The following CAMTA1 variants were observed in gnomAD, a reference collection of about 807,000 sequenced individuals.
CAMTA1 encodes the protein calmodulin-binding transcription activator 1.
CAMTA1 carries 27 observed loss-of-function variants against 170.9 expected under a neutral mutation model. The observed-to-expected ratio is 0.16, with a 90% CI of 0.12 to 0.22. The LOEUF (loss-of-function observed/expected upper bound fraction) is 0.22, where lower values mean the gene tolerates loss of function less well. Ranked by LOEUF, CAMTA1 falls within the 10% of genes least tolerant of loss-of-function variation. CAMTA1 has a pLI of 1.00. For missense variants in CAMTA1, 1,619 were observed against 2,217.2 expected, an observed-to-expected ratio of 0.73 and a Z score of 5.42; for synonymous variants, 833 against 891.5, an observed-to-expected ratio of 0.93 and a Z score of 1.17.
At chr1:7,158,564 A>G (rs1243915693) in intron 4 of CAMTA1, among the ~76,000 whole-genome samples, 1 of 152,240 alleles carries the variant, frequency 6.6e-6, no homozygotes, top group African/African-American at 2.4e-5. Flanking sequence ...ATATGCCTTT[A>G]GACTTGTACT....
intron 22 of CAMTA1, among the ~76,000 whole-genome samples, chr1:7,765,837 T>C (rs957018184): frequency 2.0e-5 from 3 of 152,068 alleles, no homozygotes; most frequent in African/African-American, 7.2e-5. Context: ...CCATCCTGGC[T>C]AACATGGTGA....
chr1:7,549,241 C>G (rs1485144654), intron 6 of CAMTA1, among the ~76,000 whole-genome samples: 1 of 151,640 alleles, frequency 6.6e-6, no homozygotes, highest in Non-Finnish European at 1.5e-5. Flanking sequence ...TGCAGGGTCC[C>G]TCTTAGGGGT....
intron 4 of CAMTA1, among the ~76,000 whole-genome samples, chr1:7,239,967 C>G (rs1182049985): frequency 6.6e-6 from 1 of 152,084 alleles, no homozygotes; most frequent in Admixed American, 6.5e-5. Flanking sequence ...AAGGTAATGA[C>G]GTTAATCCAT....
At chr1:7,145,095 C>T (rs141329647) in intron 4 of CAMTA1, among the ~76,000 whole-genome samples, 1 of 152,320 alleles carries the variant, frequency 6.6e-6, no homozygotes, top group African/African-American at 2.4e-5. Flanking sequence ...CAAGATCTTT[C>T]AGGGGACGAG....
chr1:7,201,349 CAT>C (rs933121077), intron 4 of CAMTA1, among the ~76,000 whole-genome samples: 4 of 152,168 alleles, frequency 2.6e-5, no homozygotes, highest in African/African-American at 9.7e-5. Context: ...CATTTGTGCA[CAT>C]GTTTTTGTGT....
intron 6 of CAMTA1, among the ~76,000 whole-genome samples, chr1:7,553,433 C>T (rs974333047): frequency 2.6e-5 from 4 of 152,224 alleles, no homozygotes; most frequent in African/African-American, 4.8e-5. Flanking sequence ...AGTGCTGCCA[C>T]GTGTAGGGGC....
At chr1:7,638,413 G>A (rs2095732353) in intron 6 of CAMTA1, among the ~76,000 whole-genome samples, 1 of 152,238 alleles carries the variant, frequency 6.6e-6, no homozygotes, top group African/African-American at 2.4e-5. Context: ...GGCCGAGGAA[G>A]GCAGATCACC....
intron 6 of CAMTA1, among the ~76,000 whole-genome samples, chr1:7,496,128 G>C (rs1372316086): frequency 6.6e-6 from 1 of 152,244 alleles, no homozygotes; most frequent in Non-Finnish European, 1.5e-5. Context: ...TCAGAGCTGT[G>C]TGGCCATCCT....
At chr1:7,460,813 A>C (rs1272933862) in intron 5 of CAMTA1, among the ~76,000 whole-genome samples, 1 of 152,144 alleles carries the variant, frequency 6.6e-6, no homozygotes, top group African/African-American at 2.4e-5. Flanking sequence ...ACCAAGCACC[A>C]ACAAAATCTA....
chr1:7,362,262 G>T (rs2085594289), intron 5 of CAMTA1, among the ~76,000 whole-genome samples: 1 of 152,324 alleles, frequency 6.6e-6, no homozygotes, highest in Middle Eastern at 3.4e-3. Flanking sequence ...CTTGGGTAGT[G>T]CTGGTAAACT....
chr1:7,742,105 G>A (rs1321825514), intron 16 of CAMTA1, among the ~76,000 whole-genome samples: 1 of 150,236 alleles, frequency 6.7e-6, no homozygotes, highest in Non-Finnish European at 1.5e-5. Context: ...ACAATTCAAG[G>A]CAAATTAATG....
At chr1:6,800,357 C>T (rs1476976861) in intron 1 of CAMTA1, among the ~76,000 whole-genome samples, 3 of 151,988 alleles carry the variant, frequency 2.0e-5, no homozygotes, top group South Asian at 2.1e-4. Context: ...CAGTGAGCTA[C>T]GATCACGCCA....
chr1:7,058,430 G>C (rs1248769441), intron 3 of CAMTA1, among the ~76,000 whole-genome samples: 1 of 152,166 alleles, frequency 6.6e-6, no homozygotes, highest in Non-Finnish European at 1.5e-5. Context: ...CCTTGCTTCT[G>C]GGCTGGTAGA....
chr1:6,865,472 C>T (rs1421485480), intron 3 of CAMTA1, among the ~76,000 whole-genome samples: 2 of 152,200 alleles, frequency 1.3e-5, no homozygotes, highest in African/African-American at 2.4e-5. Context: ...TAGATTTGGG[C>T]GGATTTAGTT....
At chr1:7,500,107 TTGTG>T (rs1274518346) in intron 6 of CAMTA1, among the ~76,000 whole-genome samples, 2 of 119,884 alleles carry the variant, frequency 1.7e-5, no homozygotes, top group Non-Finnish European at 3.4e-5. Context: ...GTGTAGAAGA[TTGTG>T]TGAGCCTGGT....
At chr1:7,400,273 C>T (rs190962289) in intron 5 of CAMTA1, among the ~76,000 whole-genome samples, 183 of 152,254 alleles carry the variant, frequency 1.2e-3, no homozygotes, top group African/African-American at 4.4e-3. Context: ...TTCTCAATTA[C>T]ATTTTTAATT....
chr1:7,749,918 G>T, intron 19 of CAMTA1: 1 of 391,896 alleles, frequency 2.6e-6, no homozygotes, highest in Non-Finnish European at 5.2e-6. Context: ...CCCTTGCCAG[G>T]CCACCTAAGC....
chr1:7,130,329 T>C (rs1414067709), intron 4 of CAMTA1, among the ~76,000 whole-genome samples: 1 of 152,210 alleles, frequency 6.6e-6, no homozygotes, highest in Non-Finnish European at 1.5e-5. Flanking sequence ...TGCTGAGTAG[T>C]ATTCCGTTTT....
chr1:7,612,413 C>T lies in CAMTA1; in HGVS notation c.511-27987C>T, dbSNP rs547834522. Among the ~76,000 whole-genome samples, 11 of 152,340 alleles carry T rather than the reference C, an allele frequency of 7.2e-5. No homozygotes were observed. The Middle Eastern group carries it at 0.01, about 142-fold the overall frequency. ...CTTTCTCTGCCGTGCCACTGTGCCACTCTTCTGCCCCTCTGCTCATCTGTC... is the reference window on the plus strand; with the variant it reads ...CTTTCTCTGCCGTGCCACTGTGCCATTCTTCTGCCCCTCTGCTCATCTGTC... On this transcript the variant is annotated intron_variant, in intron 6 of 22. Coordinates refer to ENST00000303635, the MANE Select transcript of CAMTA1 (RefSeq NM_015215.4).
Sources: gnomAD v4.1 joint callset for allele counts (sites outside exome capture counted in the v4.1 genomes callset) on GRCh38, gnomAD v4.1.1 for gene constraint, MANE v1.5 for transcripts, NCBI Gene and HGNC (gene_info 2026-07-23, HGNC 2026-07-21) for gene names.